UNC79: variants seen among roughly 807,000 people sequenced by gnomAD.
The protein encoded by UNC79 is unc-79 subunit of NALCN channel complex, also known as protein unc-79 homolog.
Under a neutral mutation model 283.1 loss-of-function variants are expected in UNC79, and 37 were observed. That is an observed-to-expected ratio of 0.13 (90% confidence interval 0.10 to 0.17). The LOEUF (loss-of-function observed/expected upper bound fraction) is 0.17, where lower values mean the gene tolerates loss of function less well. UNC79 is among the 10% of genes least tolerant of loss of function. The pLI, the probability that UNC79 is intolerant of heterozygous loss-of-function variation, is 1.00. For synonymous variants in UNC79, 1,107 were observed against 1,200.2 expected (o/e 0.92, Z 1.61); for missense variants, 2,272 against 3,211.1 (o/e 0.71, Z 7.07).
chr14:93,343,484 T>C (rs1263430881), intron 1 of UNC79, among the ~76,000 whole-genome samples: 1 of 152,244 alleles, frequency 6.6e-6, no homozygotes, highest in Non-Finnish European at 1.5e-5. Flanking sequence ...TGTGCAATTG[T>C]AAAGACAGAT....
At chr14:93,529,637 T>C (rs554599840) in intron 10 of UNC79, among the ~76,000 whole-genome samples, 1 of 152,286 alleles carries the variant, frequency 6.6e-6, no homozygotes, top group Non-Finnish European at 1.5e-5. Flanking sequence ...TTGTCAGTGA[T>C]AAGTTGCTGC....
intron 35 of UNC79, among the ~76,000 whole-genome samples, chr14:93,650,660 G>A (rs2070152722): frequency 6.6e-6 from 1 of 152,072 alleles, no homozygotes; most frequent in South Asian, 2.1e-4. Flanking sequence ...TTGCTGAGTT[G>A]TAAGACTTTA....
At chr14:93,638,199 A>G (rs1476173944) in intron 32 of UNC79, among the ~76,000 whole-genome samples, 2 of 152,196 alleles carry the variant, frequency 1.3e-5, no homozygotes, top group South Asian at 4.1e-4. Context: ...AAGTAGACCT[A>G]TTTTTCTAGA....
intron 26 of UNC79, among the ~76,000 whole-genome samples, chr14:93,607,558 A>G (rs565408175): frequency 1.1e-4 from 17 of 152,318 alleles, no homozygotes; most frequent in Non-Finnish European, 4.4e-5. Flanking sequence ...TGAGGACACC[A>G]GTCTGGTTAT....
intron 32 of UNC79, 66 bp from the exon 36 acceptor site, chr14:93,641,079 C>T: frequency 7.2e-7 from 1 of 1,383,682 alleles, no homozygotes; most frequent in Non-Finnish European, 1.0e-6. Flanking sequence ...AAGAGGAGAA[C>T]CAGGCCTTTC....
intron 7 of UNC79, among the ~76,000 whole-genome samples, chr14:93,519,712 C>G (rs544493905): frequency 2.0e-5 from 3 of 151,604 alleles, no homozygotes; most frequent in Non-Finnish European, 4.4e-5. Flanking sequence ...GTTAGCTACA[C>G]CATCTTTAAA....
At chr14:93,605,212 C>A (rs952144663) in intron 26 of UNC79, among the ~76,000 whole-genome samples, 10 of 152,066 alleles carry the variant, frequency 6.6e-5, no homozygotes, top group African/African-American at 2.4e-4. Flanking sequence ...GAGTCTGTAC[C>A]TTTCCCCAGA....
chr14:93,431,857 G>T (rs192456560), intron 1 of UNC79, among the ~76,000 whole-genome samples: 3 of 152,168 alleles, frequency 2.0e-5, no homozygotes, highest in Admixed American at 1.3e-4. Context: ...ATTGCAGTGC[G>T]CACTAGTAGG....
chr14:93,525,630 C>T (rs2060513870), intron 8 of UNC79, among the ~76,000 whole-genome samples: 2 of 152,256 alleles, frequency 1.3e-5, no homozygotes, highest in South Asian at 4.2e-4. Context: ...TATAGTTCAG[C>T]TCGATTTTTC....
intron 5 of UNC79, among the ~76,000 whole-genome samples, chr14:93,494,185 C>T (rs1369175487): frequency 2.0e-5 from 3 of 152,070 alleles, no homozygotes; most frequent in South Asian, 2.1e-4. Context: ...GCTGGGATTA[C>T]AGGCATGGTG....
intron 7 of UNC79, among the ~76,000 whole-genome samples, chr14:93,517,900 A>AGTGT (rs796145577): frequency 1.8e-5 from 2 of 110,396 alleles, no homozygotes; most frequent in South Asian, 3.0e-4. Flanking sequence ...TGTATATGTG[A>AGTGT]GTGTGTGTGT....
chr14:93,618,618 C>G (rs1292618700), intron 29 of UNC79, among the ~76,000 whole-genome samples: 2 of 152,096 alleles, frequency 1.3e-5, no homozygotes, highest in South Asian at 4.1e-4. Context: ...GAATCAGGAG[C>G]CTTTGTAAGC....
intron 1 of UNC79, among the ~76,000 whole-genome samples, chr14:93,369,484 C>T (rs1227819846): frequency 6.6e-6 from 1 of 152,222 alleles, no homozygotes; most frequent in Non-Finnish European, 1.5e-5. Flanking sequence ...CACACTGCTG[C>T]TTCCAGGATT....
chr14:93,603,336 A>G (rs746324541), exon 26 of UNC79: 8 of 1,614,220 alleles, frequency 5.0e-6, no homozygotes, highest in Non-Finnish European at 6.8e-6. Flanking sequence ...AGAAGAGTGT[A>G]CGTTCCCTGA....
chr14:93,362,169 C>T (rs2054241450), intron 1 of UNC79, among the ~76,000 whole-genome samples: 1 of 152,072 alleles, frequency 6.6e-6, no homozygotes, highest in African/African-American at 2.4e-5. Flanking sequence ...CGTGTCTCAC[C>T]AGGTTTTGGT....
At chr14:93,664,768 G>A (rs1278190627) in intron 40 of UNC79, among the ~76,000 whole-genome samples, 4 of 152,104 alleles carry the variant, frequency 2.6e-5, no homozygotes, top group Admixed American at 1.3e-4. Flanking sequence ...CCAAGTTGAA[G>A]AGTCAAATAA....
intron 14 of UNC79, among the ~76,000 whole-genome samples, chr14:93,569,590 T>A (rs1016495247): frequency 6.6e-6 from 1 of 152,234 alleles, no homozygotes; most frequent in Non-Finnish European, 1.5e-5. Flanking sequence ...CATATTTGCC[T>A]ATTGTCAGGT....
chr14:93,380,503 A>G (rs903470147), intron 1 of UNC79, among the ~76,000 whole-genome samples: 1 of 152,120 alleles, frequency 6.6e-6, no homozygotes, highest in Non-Finnish European at 1.5e-5. Context: ...TGACCACTCT[A>G]AGGTGGTCTC....
intron 10 of UNC79, among the ~76,000 whole-genome samples, chr14:93,532,214 A>G (rs2060853143): frequency 2.0e-5 from 3 of 151,472 alleles, no homozygotes; most frequent in Admixed American, 2.0e-4. Context: ...CTGTAATCCT[A>G]GCCTTTTGGA....
Sources: gnomAD v4.1 joint callset for allele counts (sites outside exome capture counted in the v4.1 genomes callset) on GRCh38, gnomAD v4.1.1 for gene constraint, MANE v1.5 for transcripts, NCBI Gene and HGNC (gene_info 2026-07-23, HGNC 2026-07-21) for gene names.